The following KCNJ16 variants were observed in gnomAD, a reference collection of about 807,000 sequenced individuals.
The protein encoded by KCNJ16 is inward rectifier potassium channel 16.
KCNJ16 carries 15 observed loss-of-function variants against 18.5 expected under a neutral mutation model. The observed-to-expected ratio is 0.81, with a 90% CI of 0.54 to 1.25. The LOEUF (loss-of-function observed/expected upper bound fraction) is 1.25. KCNJ16 is among the 50% of genes most tolerant of loss of function. The pLI is 0.00. For synonymous variants in KCNJ16, 174 were observed against 186.5 expected (o/e 0.93, Z 0.55); for missense variants, 523 against 525.7 (o/e 0.99, Z 0.05).
intron 1 of KCNJ16, among the ~76,000 whole-genome samples, chr17:70,077,868 GA>G (rs1262423239): frequency 5.6e-4 from 78 of 140,012 alleles, no homozygotes; most frequent in South Asian, 1.8e-3. Flanking sequence ...CCCAGATTCA[GA>G]AAAAAAAAAA....
At chr17:70,119,010 C>A (rs574520162) in intron 2 of KCNJ16, among the ~76,000 whole-genome samples, 1 of 152,098 alleles carries the variant, frequency 6.6e-6, no homozygotes, top group Non-Finnish European at 1.5e-5. Flanking sequence ...TACAAACAGG[C>A]GTTGGATAAA....
At chr17:70,079,220 G>A (rs2071445008) in intron 1 of KCNJ16, among the ~76,000 whole-genome samples, 1 of 152,188 alleles carries the variant, frequency 6.6e-6, no homozygotes, top group Non-Finnish European at 1.5e-5. Context: ...TGCAGAGTAT[G>A]CCAGAATAGG....
intron 2 of KCNJ16, among the ~76,000 whole-genome samples, chr17:70,107,062 T>C (rs2072965718): frequency 6.6e-6 from 1 of 152,138 alleles, no homozygotes. Flanking sequence ...GAGCTTAGGC[T>C]TCAGGCAAAA....
rs1394762395 is a variant in KCNJ16, at chr17:70,132,374, C to T, written c.287C>T (p.Ala96Val). Residue 96 changes from alanine (A) to valine (V), a missense_variant, in exon 4 of 4, where the codon GCC (alanine) becomes GTC (valine). Coordinates refer to ENST00000392671, the MANE Select transcript of KCNJ16 (RefSeq NM_170741.4). The stretch of plus-strand genomic sequence containing the variant: ...TTTGGCTCTGTCTTTTGGCTCATAG[C>T]CTTTCATCATGGCGATCTATTAAAT... ...LIFGSVFWLI[A>V]FHHGDLLNDP... is the part of the protein sequence containing the mutation. The T allele has an allele frequency of 6.2e-7, 1 of 1,614,148 alleles. No individual in the cohort carries two copies. Among genetic ancestry groups the T allele is most frequent in the Admixed American group, 1.7e-5 (1 of 60,024 alleles).
At chr17:70,123,708 CA>C (rs35463126) in intron 2 of KCNJ16, among the ~76,000 whole-genome samples, 16,398 of 148,746 alleles carry the variant, frequency 0.11, 938 homozygotes, top group Admixed American at 0.18. Flanking sequence ...TAAGATGTGG[CA>C]AAAAAAAAAA....
At chr17:70,122,272 A>G (rs2073672373) in intron 2 of KCNJ16, among the ~76,000 whole-genome samples, 3 of 151,724 alleles carry the variant, frequency 2.0e-5, no homozygotes, top group Admixed American at 2.0e-4. Context: ...TCGCAGGTTC[A>G]CACCATTCTC....
At chr17:70,116,440 C>T (rs984845453) in intron 2 of KCNJ16, among the ~76,000 whole-genome samples, 11 of 152,098 alleles carry the variant, frequency 7.2e-5, no homozygotes, top group African/African-American at 2.7e-4. Context: ...AAAAAAATTG[C>T]TGAGAACGGA....
At chr17:70,107,607 G>A (rs1181704171) in intron 2 of KCNJ16, among the ~76,000 whole-genome samples, 2 of 152,056 alleles carry the variant, frequency 1.3e-5, no homozygotes, top group South Asian at 2.1e-4. Flanking sequence ...TCAATGCAAT[G>A]AGCAAAGGCA....
chr17:70,128,561 A>T (rs1372395904), intron 2 of KCNJ16: 1 of 152,208 alleles, frequency 6.6e-6, no homozygotes, highest in African/African-American at 2.4e-5. Flanking sequence ...CATCTATAAA[A>T]GAACTCTAAG....
chr17:70,115,083 A>T (rs994599096), intron 2 of KCNJ16, among the ~76,000 whole-genome samples: 2 of 152,234 alleles, frequency 1.3e-5, no homozygotes, highest in East Asian at 3.9e-4. Context: ...AGGTACTTAA[A>T]CTTAAATCCT....
chr17:70,130,995 C>A lies in KCNJ16; in HGVS notation c.-94+20C>A. 1.3e-6 allele frequency: 2 copies of A among 1,533,340 alleles called. No homozygotes were observed. Among genetic ancestry groups the A allele is most frequent in the Non-Finnish European group, 1.7e-6 (2 of 1,144,586 alleles). 95.0% of individuals were successfully genotyped at this position (1,533,340 alleles called of 1,614,324 possible). On this transcript the variant is annotated intron_variant, in intron 3 of 3. Transcript: ENST00000392671. ...AAAATGGTAAGAGCTGCATGTTCTG[C>A]CTTGATGTTTTCAAGACTGAATTTG...
intron 1 of KCNJ16, among the ~76,000 whole-genome samples, chr17:70,079,498 A>G (rs935421197): frequency 1.3e-5 from 2 of 152,178 alleles, no homozygotes; most frequent in African/African-American, 4.8e-5. Context: ...ACATCACAAT[A>G]ACAGAATCCA....
At chr17:70,107,129 A>G (rs891253933) in intron 2 of KCNJ16, among the ~76,000 whole-genome samples, 2 of 152,244 alleles carry the variant, frequency 1.3e-5, no homozygotes, top group African/African-American at 2.4e-5. Context: ...TTAAATTCTT[A>G]TAATTGTCCT....
intron 2 of KCNJ16, among the ~76,000 whole-genome samples, chr17:70,118,449 A>G (rs1243533080): frequency 1.3e-5 from 2 of 151,992 alleles, no homozygotes; most frequent in Non-Finnish European, 2.9e-5. Context: ...ATAAATGCTG[A>G]AAAAAAAGAA....
intron 2 of KCNJ16, among the ~76,000 whole-genome samples, chr17:70,126,336 C>T (rs948543058): frequency 5.3e-5 from 8 of 152,136 alleles, no homozygotes; most frequent in Admixed American, 3.3e-4. Flanking sequence ...AATGCCTAAC[C>T]TCCTGGGGAA....
At chr17:70,124,177 G>T (rs1424903678) in intron 2 of KCNJ16, among the ~76,000 whole-genome samples, 1 of 152,212 alleles carries the variant, frequency 6.6e-6, no homozygotes, top group African/African-American at 2.4e-5. Context: ...CTCTGAACTT[G>T]AATGTCAGGC....
At chr17:70,084,045 T>C (rs1227732720) in intron 1 of KCNJ16, among the ~76,000 whole-genome samples, 1 of 152,174 alleles carries the variant, frequency 6.6e-6, no homozygotes, top group Non-Finnish European at 1.5e-5. Flanking sequence ...ACCAGCAGGA[T>C]GTGTAGGCAC....
At chr17:70,099,390 G>A (rs921090604) in intron 1 of KCNJ16, among the ~76,000 whole-genome samples, 3 of 152,092 alleles carry the variant, frequency 2.0e-5, no homozygotes, top group African/African-American at 4.8e-5. Flanking sequence ...AGAGCTTCAG[G>A]GGACAGCATG....
rs1204655983 is a variant in KCNJ16 at position 70,132,249 on chromosome 17, G to C, written c.162G>C (p.Trp54Cys). ...ACTTCAAGCACATTTTTGGAGAATG[G>C]GGAAGCTATGTGGTTGACATCTTCA... Reference protein sequence around the residue: ...NVYFKHIFGEWGSYVVDIFTT... With the variant: ...NVYFKHIFGECGSYVVDIFTT... Residue 54 changes from tryptophan (W) to cysteine (C), a missense_variant, in exon 4 of 4, where the codon TGG (tryptophan) becomes TGC (cysteine). Trp to Cys is a radical substitution (Grantham distance 215). Coordinates refer to ENST00000392671, the MANE Select transcript of KCNJ16 (RefSeq NM_170741.4). The C allele has an allele frequency of 6.2e-7, 1 of 1,614,232 alleles. No homozygotes were observed. Among genetic ancestry groups the C allele is most frequent in the South Asian group, 1.1e-5 (1 of 91,086 alleles).
Sources: gnomAD v4.1 joint callset for allele counts (sites outside exome capture counted in the v4.1 genomes callset) on GRCh38, gnomAD v4.1.1 for gene constraint, MANE v1.5 for transcripts, NCBI Gene and HGNC (gene_info 2026-07-23, HGNC 2026-07-21) for gene names.